The following UBE2E2 variants were observed in gnomAD, a reference collection of about 807,000 sequenced individuals.
UBE2E2 encodes the protein ubiquitin conjugating enzyme E2 E2.
Under a neutral mutation model 24.7 loss-of-function variants are expected in UBE2E2, and 6 were observed. The observed-to-expected ratio is 0.24, with a 90% CI of 0.13 to 0.48. The LOEUF (loss-of-function observed/expected upper bound fraction) is 0.48. Among genes scored for constraint, UBE2E2 ranks in the 20% least tolerant of loss-of-function variants. The pLI, the probability that UBE2E2 is intolerant of heterozygous loss-of-function variation, is 0.99. For missense variants in UBE2E2, 169 were observed against 245.0 expected, an observed-to-expected ratio of 0.69 and a Z score of 2.07; for synonymous variants, 104 against 83.6, an observed-to-expected ratio of 1.24 and a Z score of -1.33.
intron 3 of UBE2E2, among the ~76,000 whole-genome samples, chr3:23,458,111 CT>C (rs1698720694): frequency 1.3e-5 from 2 of 152,110 alleles, no homozygotes; most frequent in African/African-American, 4.8e-5. Flanking sequence ...AGCATGGCTT[CT>C]TCATAGGCTT....
intron 5 of UBE2E2, among the ~76,000 whole-genome samples, chr3:23,586,362 A>G (rs1414847448): frequency 6.6e-6 from 1 of 152,138 alleles, no homozygotes; most frequent in Non-Finnish European, 1.5e-5. Context: ...TGGCATGATC[A>G]CAGCTCACTG....
chr3:23,373,092 C>A (rs1002100061), intron 3 of UBE2E2, among the ~76,000 whole-genome samples: 5 of 152,120 alleles, frequency 3.3e-5, no homozygotes, highest in African/African-American at 4.8e-5. Context: ...TAAAGAGGGG[C>A]CTCTAAACTC....
At chr3:23,534,064 C>G (rs182633657) in intron 5 of UBE2E2, 2 of 381,788 alleles carry the variant, frequency 5.2e-6, no homozygotes, top group Non-Finnish European at 7.2e-6. Flanking sequence ...CCATTTTAAT[C>G]CCATTTGTCT....
chr3:23,401,476 C>A (rs1450118511), intron 3 of UBE2E2, among the ~76,000 whole-genome samples: 2 of 152,130 alleles, frequency 1.3e-5, no homozygotes, highest in Non-Finnish European at 2.9e-5. Context: ...CTCAAGATCA[C>A]CTTGTATGTG....
intron 3 of UBE2E2, among the ~76,000 whole-genome samples, chr3:23,272,972 T>C (rs1255052066): frequency 6.6e-6 from 1 of 152,098 alleles, no homozygotes; most frequent in East Asian, 1.9e-4. Context: ...TTTAGTTCTC[T>C]TCAGGCCATC....
chr3:23,399,487 A>G (rs1365853947), intron 3 of UBE2E2, among the ~76,000 whole-genome samples: 1 of 152,172 alleles, frequency 6.6e-6, no homozygotes, highest in Non-Finnish European at 1.5e-5. Flanking sequence ...ATGCTACTCA[A>G]AATGGTGTGC....
rs952345038 is a variant in UBE2E2 at position 23,352,929 on chromosome 3, C to CA, written c.227+135622dup. ...TACCAAAGCCGGGCAGAGACACAACCAAAAAGGAGAATTTTAGACCAATAT... is the reference window on the plus strand; with the variant it reads ...TACCAAAGCCGGGCAGAGACACAACCAAAAAAGGAGAATTTTAGACCAATAT... On this transcript the variant is annotated intron_variant, in intron 3 of 5. Coordinates refer to ENST00000396703, the MANE Select transcript of UBE2E2 (RefSeq NM_152653.4). 2.4e-3 allele frequency among the ~76,000 whole-genome samples: 363 copies of CA among 152,128 alleles called. 3 individuals are homozygous for CA. Among genetic ancestry groups the CA allele is most frequent in the African/African-American group, 8.3e-3 (346 of 41,492 alleles).
intron 3 of UBE2E2, among the ~76,000 whole-genome samples, chr3:23,372,750 C>A (rs1025325626): frequency 6.6e-6 from 1 of 151,818 alleles, no homozygotes; most frequent in Non-Finnish European, 1.5e-5. Context: ...GTTATTTTTC[C>A]GTTAAGATTA....
intron 3 of UBE2E2, among the ~76,000 whole-genome samples, chr3:23,413,725 AT>A (rs1697552743): frequency 6.6e-6 from 1 of 152,010 alleles, no homozygotes; most frequent in African/African-American, 2.4e-5. Flanking sequence ...CTAGAGAGTA[AT>A]TGCCTGTATT....
chr3:23,299,553 T>G (rs911797874), intron 3 of UBE2E2, among the ~76,000 whole-genome samples: 1 of 152,228 alleles, frequency 6.6e-6, no homozygotes, highest in African/African-American at 2.4e-5. Flanking sequence ...CCAGTAGTCA[T>G]TCAGGAGCAG....
chr3:23,508,797 G>A (rs1181888220), intron 4 of UBE2E2, among the ~76,000 whole-genome samples: 2 of 152,200 alleles, frequency 1.3e-5, no homozygotes, highest in Non-Finnish European at 2.9e-5. Flanking sequence ...GGGGTAGATA[G>A]GCCTAAATTC....
At chr3:23,546,531 T>C (rs1209935737) in intron 5 of UBE2E2, among the ~76,000 whole-genome samples, 5 of 139,984 alleles carry the variant, frequency 3.6e-5, no homozygotes, top group South Asian at 2.3e-4. Flanking sequence ...TGGAGTGCAA[T>C]GGTGCGATCT....
chr3:23,204,735 TGTCTTTGCA>T, intron 1 of UBE2E2: 1 of 985,466 alleles, frequency 1.0e-6, no homozygotes, highest in Non-Finnish European at 1.2e-6. Flanking sequence ...TCTGCATAAA[TGTCTTTGCA>T]GTTAAATTTA....
intron 4 of UBE2E2, among the ~76,000 whole-genome samples, chr3:23,531,694 C>T (rs985639348): frequency 6.6e-6 from 1 of 152,112 alleles, no homozygotes; most frequent in Non-Finnish European, 1.5e-5. Context: ...TAAATTGTAA[C>T]TACTATAATT....
intron 3 of UBE2E2, among the ~76,000 whole-genome samples, chr3:23,262,955 G>C (rs1430353884): frequency 2.0e-5 from 3 of 152,122 alleles, no homozygotes; most frequent in African/African-American, 4.8e-5. Flanking sequence ...AAGGCAAAAA[G>C]CTCTTCTGGA....
intron 3 of UBE2E2, among the ~76,000 whole-genome samples, chr3:23,365,429 C>A (rs1696227118): frequency 6.6e-6 from 1 of 152,178 alleles, no homozygotes; most frequent in Non-Finnish European, 1.5e-5. Context: ...TCTCAGAAGA[C>A]AAAATCAGTG....
intron 3 of UBE2E2, among the ~76,000 whole-genome samples, chr3:23,448,330 G>A (rs1443629310): frequency 6.6e-6 from 1 of 152,052 alleles, no homozygotes; most frequent in Non-Finnish European, 1.5e-5. Flanking sequence ...TACATCTTTG[G>A]CAATGTTTTT....
Position 23,589,518 on chromosome 3 carries a change from A to G in UBE2E2, c.509-216A>G, listed in dbSNP as rs1696712134. Among the ~76,000 whole-genome samples, 2 of 152,136 alleles carry G rather than the reference A, an allele frequency of 1.3e-5. No individual in the cohort carries two copies. The highest frequency in any genetic ancestry group is 1.3e-4 in the Admixed American group (2 of 15,276). On this transcript the variant is annotated intron_variant, in intron 5 of 5. Transcript: ENST00000396703. This position sits in a 1 kb window ranked among gnomAD's most constrained non-coding sequence, Gnocchi z 4.1. ...ATAAGACTTGTCAAGAAATATGACAAGAGCTATCAGTAAAATACAGATAGG... is the reference window on the plus strand; with the variant it reads ...ATAAGACTTGTCAAGAAATATGACAGGAGCTATCAGTAAAATACAGATAGG...
At chr3:23,377,958 C>T (rs1295178424) in intron 3 of UBE2E2, among the ~76,000 whole-genome samples, 2 of 151,954 alleles carry the variant, frequency 1.3e-5, no homozygotes, top group Non-Finnish European at 2.9e-5. Context: ...TTATATAACT[C>T]TATAGGTAAT....
Sources: gnomAD v4.1 joint callset for allele counts (sites outside exome capture counted in the v4.1 genomes callset) on GRCh38, gnomAD v4.1.1 for gene constraint, Gnocchi (gnomAD v3.1) non-coding constraint, MANE v1.5 for transcripts, NCBI Gene and HGNC (gene_info 2026-07-23, HGNC 2026-07-21) for gene names.